Variants in HS3ST1 observed in about 807,000 individuals in gnomAD.
HS3ST1 encodes the protein heparan sulfate glucosamine 3-O-sulfotransferase 1.
A neutral mutation model predicts 20.7 loss-of-function variants in HS3ST1; 8 were observed. That is an observed-to-expected ratio of 0.39 (90% CI 0.23 to 0.70). The LOEUF is 0.70. Ranked by LOEUF, HS3ST1 falls within the 30% of genes least tolerant of loss-of-function variation. HS3ST1 has a pLI of 0.46. For synonymous variants in HS3ST1, 205 were observed against 190.4 expected, an observed-to-expected ratio of 1.08 and a Z score of -0.63; for missense variants, 436 against 423.4, an observed-to-expected ratio of 1.03 and a Z score of -0.26.
At chr4:11,428,208 A>T (rs995390155) in intron 1 of HS3ST1, among the ~76,000 whole-genome samples, 3 of 152,210 alleles carry the variant, frequency 2.0e-5, no homozygotes, top group African/African-American at 7.2e-5. Flanking sequence ...CCAAATGCAA[A>T]GGCAAACCCG....
At chr4:11,423,049 A>AAAAT (rs1560237599) in intron 1 of HS3ST1, among the ~76,000 whole-genome samples, 2 of 149,488 alleles carry the variant, frequency 1.3e-5, no homozygotes, top group African/African-American at 2.5e-5. Flanking sequence ...AAAAAAAAAA[A>AAAAT]GTGCTGAACG....
chr4:11,402,017 G>C (rs111770092), intron 1 of HS3ST1, among the ~76,000 whole-genome samples: 49 of 152,332 alleles, frequency 3.2e-4, no homozygotes, highest in African/African-American at 1.2e-3. Context: ...CTGGCTTGGG[G>C]ACTGAGGGAT....
chr4:11,427,881 G>T (rs1259108163), intron 1 of HS3ST1, among the ~76,000 whole-genome samples: 1 of 152,208 alleles, frequency 6.6e-6, no homozygotes, highest in East Asian at 1.9e-4. Context: ...ACAGGCTGGG[G>T]CTAGAAGGAG....
intron 1 of HS3ST1, among the ~76,000 whole-genome samples, chr4:11,426,684 A>G (rs963062767): frequency 6.6e-6 from 1 of 152,220 alleles, no homozygotes; most frequent in Non-Finnish European, 1.5e-5. Flanking sequence ...CTGCTGTTGT[A>G]ATTAACTGCT....
upstream of HS3ST1, among the ~76,000 whole-genome samples, chr4:11,433,477 G>T (rs182574914): frequency 6.6e-4 from 100 of 152,306 alleles, no homozygotes; most frequent in African/African-American, 2.2e-3. Flanking sequence ...TTGCAGTATT[G>T]CAGGCTTGAA....
At chr4:11,413,217 T>C (rs1160171581) in intron 1 of HS3ST1, among the ~76,000 whole-genome samples, 1 of 152,158 alleles carries the variant, frequency 6.6e-6, no homozygotes. Flanking sequence ...CAATAAAGCA[T>C]ACCATTAGAA....
intron 1 of HS3ST1, among the ~76,000 whole-genome samples, chr4:11,421,607 T>C (rs966582040): frequency 6.6e-6 from 1 of 152,202 alleles, no homozygotes; most frequent in Admixed American, 6.5e-5. Flanking sequence ...GACATTTACA[T>C]AAAACAACCT....
chr4:11,394,945 C>T lies in HS3ST1; in HGVS notation c.*4137G>A, dbSNP rs1380711919. 1 of 152,228 alleles carries T rather than the reference C, an allele frequency of 6.6e-6. No homozygotes were observed. The highest frequency in any genetic ancestry group is 1.9e-4 in the East Asian group (1 of 5,202). 9.4% of individuals were successfully genotyped at this position (152,228 alleles called of 1,614,324 possible). On this transcript the variant is annotated 3_prime_UTR_variant, in exon 2 of 2. Transcript: ENST00000002596. Reference sequence around the variant, plus strand: ...TTTTTATGCAACAGATACACCTGCACAGGAGCCAAATTCACATGGGTGCCT... The same window carrying T: ...TTTTTATGCAACAGATACACCTGCATAGGAGCCAAATTCACATGGGTGCCT...
intron 1 of HS3ST1, among the ~76,000 whole-genome samples, chr4:11,408,648 A>T (rs928924542): frequency 6.6e-6 from 1 of 152,252 alleles, no homozygotes; most frequent in African/African-American, 2.4e-5. Flanking sequence ...CACAGAAGGC[A>T]GCAGTGACCT....
intron 1 of HS3ST1, among the ~76,000 whole-genome samples, chr4:11,403,471 C>G (rs1718382562): frequency 6.6e-6 from 1 of 152,136 alleles, no homozygotes; most frequent in Non-Finnish European, 1.5e-5. Flanking sequence ...TCACTTAGTC[C>G]CTGCCTTTCA....
Position 11,399,435 on chromosome 4 carries a change from G to A in HS3ST1, c.571C>T (p.Leu191Phe), listed in dbSNP as rs1410795924. ...DGRLNVDYKA[L>F]NRSLYHVHMQ... ...TGCACGTGGTAGAGGCTGCGGTTGA[G>A]GGCCTTGTAGTCCACATTGAGCCTG... Residue 191 changes from leucine to phenylalanine, a missense_variant, in exon 2 of 2, where the codon CTC becomes TTC. Leu to Phe is a conservative substitution (Grantham distance 22). Coordinates refer to ENST00000002596, the MANE Select transcript of HS3ST1 (RefSeq NM_005114.4). This position sits in a 1 kb window ranked among gnomAD's most constrained non-coding sequence, Gnocchi z 5.1. 3.1e-6 allele frequency: 5 copies of A among 1,613,862 alleles called. No individual in the cohort carries two copies. In the African/African-American group the frequency reaches 4.0e-5, roughly 13 times the overall value.
upstream of HS3ST1, among the ~76,000 whole-genome samples, chr4:11,433,675 G>GA (rs543965995): frequency 2.7e-3 from 405 of 147,996 alleles, no homozygotes; most frequent in African/African-American, 8.7e-3. Flanking sequence ...ACACTCTTCA[G>GA]AAAAAAAAAA....
chr4:11,413,775 G>A (rs1474569748), intron 1 of HS3ST1, among the ~76,000 whole-genome samples: 4 of 150,104 alleles, frequency 2.7e-5, no homozygotes, highest in African/African-American at 4.9e-5. Context: ...GAGGCTCATC[G>A]ATAATGGACT....
chr4:11,401,129 G>T (rs950569459), intron 1 of HS3ST1, among the ~76,000 whole-genome samples: 1 of 152,202 alleles, frequency 6.6e-6, no homozygotes, highest in Non-Finnish European at 1.5e-5. Flanking sequence ...GAAGACACAT[G>T]TTCATTCATT....
At chr4:11,417,755 CT>C in intron 1 of HS3ST1, among the ~76,000 whole-genome samples, 1 of 152,056 alleles carries the variant, frequency 6.6e-6, no homozygotes. Context: ...AATGACAGAG[CT>C]GGGAAGGAAA....
Position 11,395,189 on chromosome 4 carries a change from A to G in HS3ST1, c.*3893T>C, listed in dbSNP as rs755116582. 9.2e-5 allele frequency: 14 copies of G among 152,056 alleles called. No homozygotes were observed. Among genetic ancestry groups the G allele is most frequent in the Non-Finnish European group, 1.9e-4 (13 of 68,016 alleles). The allele number at this position is 152,056 out of a possible 1,614,324, so 9.4% of individuals were successfully genotyped here. A position where few individuals can be genotyped will look rare whatever the true frequency, so the allele number is the denominator to read the frequency against. ...TCGTGCGTGCCCCAGCTTTATGGCA[A>G]TTCCTCCATGAAGCCTTCCCACAGG... On this transcript the variant is annotated 3_prime_UTR_variant, in exon 2 of 2. Coordinates refer to ENST00000002596, the MANE Select transcript of HS3ST1 (RefSeq NM_005114.4).
At chr4:11,422,553 C>T (rs994903210) in intron 1 of HS3ST1, among the ~76,000 whole-genome samples, 5 of 152,080 alleles carry the variant, frequency 3.3e-5, no homozygotes, top group East Asian at 1.9e-4. Context: ...GGCAGAGACT[C>T]GGTTATTTAT....
At chr4:11,425,893 G>C (rs1719047924) in intron 1 of HS3ST1, among the ~76,000 whole-genome samples, 1 of 152,104 alleles carries the variant, frequency 6.6e-6, no homozygotes, top group South Asian at 2.1e-4. Context: ...CATAAGAAAA[G>C]AGCAGCCTCA....
intron 1 of HS3ST1, among the ~76,000 whole-genome samples, chr4:11,420,584 G>C (rs536295505): frequency 6.6e-6 from 1 of 152,302 alleles, no homozygotes; most frequent in South Asian, 2.1e-4. Context: ...CTATCTTAGC[G>C]GAACGAACAC....
Sources: gnomAD v4.1 joint callset for allele counts (sites outside exome capture counted in the v4.1 genomes callset) on GRCh38, gnomAD v4.1.1 for gene constraint, Gnocchi (gnomAD v3.1) non-coding constraint, MANE v1.5 for transcripts, NCBI Gene and HGNC (gene_info 2026-07-23, HGNC 2026-07-21) for gene names.